The following MAN1A2 variants were observed in gnomAD, a reference collection of about 807,000 sequenced individuals.
MAN1A2 encodes the protein mannosyl-oligosaccharide 1,2-alpha-mannosidase IB.
MAN1A2 carries 26 observed loss-of-function variants against 75.7 expected under a neutral mutation model. The observed-to-expected ratio is 0.34, with a 90% confidence interval of 0.25 to 0.48. MAN1A2 has a LOEUF of 0.48. Ranked by LOEUF, MAN1A2 falls within the 20% of genes least tolerant of loss-of-function variation. MAN1A2 has a pLI of 0.99. For missense variants in MAN1A2, 562 were observed against 775.5 expected (o/e 0.72, Z 3.27); for synonymous variants, 247 against 264.6 (o/e 0.93, Z 0.65).
chr1:117,431,399 A>G (rs78876272), intron 5 of MAN1A2, among the ~76,000 whole-genome samples: 10,696 of 152,220 alleles, frequency 0.07, 546 homozygotes, highest in Non-Finnish European at 0.11. Context: ...TTAAAAAGGT[A>G]ATTCCACAAA....
rs538096637 is a variant in MAN1A2, at chr1:117,523,012, A to G, written c.*55A>G. 7 of 1,599,884 alleles carry G rather than the reference A, an allele frequency of 4.4e-6. No homozygotes were observed. In the South Asian group the frequency reaches 5.6e-5, roughly 13 times the overall value. On this transcript the variant is annotated 3_prime_UTR_variant, in exon 13 of 13. Coordinates refer to ENST00000356554, the MANE Select transcript of MAN1A2 (RefSeq NM_006699.5). Reference sequence around the variant, plus strand: ...GTGTTTTGTTTACATGGACCACTACAGAAATTAGTTTGAAGGGGCGGCTTT... The same window carrying G: ...GTGTTTTGTTTACATGGACCACTACGGAAATTAGTTTGAAGGGGCGGCTTT...
chr1:117,420,374 G>A (rs111799203), intron 4 of MAN1A2, among the ~76,000 whole-genome samples, 195 bp from the exon 5 acceptor site: 1 of 151,946 alleles, frequency 6.6e-6, no homozygotes, highest in Non-Finnish European at 1.5e-5. Context: ...AGGGAGCTGT[G>A]GTGACAGCAG....
At chr1:117,501,154 G>A (rs779466014) in intron 11 of MAN1A2, among the ~76,000 whole-genome samples, 10 of 151,640 alleles carry the variant, frequency 6.6e-5, no homozygotes, top group East Asian at 1.9e-4. Flanking sequence ...GGTGTGACAG[G>A]GTCAAACTTT....
chr1:117,420,544 A>G (rs1648152221), intron 4 of MAN1A2, 25 bp from the exon 5 acceptor site: 1 of 1,523,296 alleles, frequency 6.6e-7, no homozygotes, highest in Admixed American at 1.7e-5. Context: ...CGTATTTGTG[A>G]ATGTTTTCAA....
In MAN1A2 at chr1:117,484,480, C is replaced by T. The variant is rs1273100323; in HGVS notation, c.1169-8667C>T. Among the ~76,000 whole-genome samples, 3 of 151,968 alleles carry T rather than the reference C, an allele frequency of 2.0e-5. No homozygotes were observed. The East Asian group carries it at 5.8e-4, about 29-fold the overall frequency. ...ATGGTGTTTTTGAAGGTTTACACTA[C>T]TGTGCCAAACAATGAAAAATATGCA... On this transcript the variant is annotated intron_variant, in intron 8 of 12. Transcript: ENST00000356554.
chr1:117,414,409 G>A (rs1388062635), intron 3 of MAN1A2, among the ~76,000 whole-genome samples: 2 of 150,994 alleles, frequency 1.3e-5, no homozygotes, highest in Admixed American at 6.6e-5. Context: ...TTCTGACGAG[G>A]CAGAAAATTA....
intron 5 of MAN1A2, among the ~76,000 whole-genome samples, chr1:117,423,665 T>TA (rs914418690): frequency 1.1e-4 from 17 of 152,246 alleles, no homozygotes; most frequent in Admixed American, 7.2e-4. Context: ...ATTTGATTTT[T>TA]AAAAAACCTT....
chr1:117,422,364 A>G (rs949402638), intron 5 of MAN1A2, among the ~76,000 whole-genome samples: 2 of 152,072 alleles, frequency 1.3e-5, no homozygotes, highest in Non-Finnish European at 2.9e-5. Context: ...TGCATTTTAT[A>G]TATTTATCAG....
intron 1 of MAN1A2, among the ~76,000 whole-genome samples, chr1:117,380,813 A>ATTCTT (rs1407035005): frequency 1.3e-5 from 2 of 152,122 alleles, no homozygotes; most frequent in Non-Finnish European, 2.9e-5. Flanking sequence ...CAGGTTTGTT[A>ATTCTT]TTCTTTTTCA....
At chr1:117,458,523 A>ATATAT (rs1553236643) in intron 6 of MAN1A2, among the ~76,000 whole-genome samples, 1 of 105,608 alleles carries the variant, frequency 9.5e-6, no homozygotes, top group Non-Finnish European at 2.0e-5. Context: ...ATATATATAT[A>ATATAT]TTTTTTTTTT....
At chr1:117,383,912 A>C (rs1285349273) in intron 1 of MAN1A2, among the ~76,000 whole-genome samples, 1 of 152,090 alleles carries the variant, frequency 6.6e-6, no homozygotes, top group African/African-American at 2.4e-5. Flanking sequence ...CACACATCAA[A>C]CAAACCAGGC....
chr1:117,475,105 G>A (rs1296366352), intron 8 of MAN1A2, among the ~76,000 whole-genome samples: 3 of 151,566 alleles, frequency 2.0e-5, no homozygotes, highest in Non-Finnish European at 4.4e-5. Context: ...TTCTGGTTTG[G>A]GGCTATTACA....
At chr1:117,394,410 A>G (rs1001735102) in intron 1 of MAN1A2, among the ~76,000 whole-genome samples, 1 of 152,144 alleles carries the variant, frequency 6.6e-6, no homozygotes, top group African/African-American at 2.4e-5. Flanking sequence ...GTTGCTGGCT[A>G]GGACTTCTAG....
intron 5 of MAN1A2, among the ~76,000 whole-genome samples, chr1:117,431,037 G>A (rs1213370431): frequency 2.2e-5 from 3 of 133,436 alleles, no homozygotes; most frequent in East Asian, 2.4e-4. Flanking sequence ...GTGAAACCCC[G>A]TCTCCACCAA....
chr1:117,465,970 G>T (rs72691724), intron 7 of MAN1A2, among the ~76,000 whole-genome samples: 2 of 151,958 alleles, frequency 1.3e-5, no homozygotes, highest in Admixed American at 6.6e-5. Context: ...AGTTATTTCT[G>T]TTCTTATATT....
At chr1:117,406,901 A>G (rs945471864) in intron 3 of MAN1A2, among the ~76,000 whole-genome samples, 5 of 152,120 alleles carry the variant, frequency 3.3e-5, no homozygotes, top group African/African-American at 1.2e-4. Flanking sequence ...ATAAAAATGT[A>G]TTGAAAATAA....
intron 8 of MAN1A2, among the ~76,000 whole-genome samples, chr1:117,479,777 A>T (rs1650434999): frequency 1.3e-5 from 2 of 149,194 alleles, no homozygotes; most frequent in Non-Finnish European, 3.0e-5. Flanking sequence ...ATTGTGCATT[A>T]TTTTTTTTTG....
Position 117,430,103 on chromosome 1 carries a change from C to T in MAN1A2, c.855+9454C>T, listed in dbSNP as rs1418534695. Among the ~76,000 whole-genome samples the T allele has an allele frequency of 5.2e-4, 29 of 55,646 alleles. 1 individual carries two copies. The highest frequency in any genetic ancestry group is 7.0e-4 in the Non-Finnish European group (20 of 28,406). The allele number at this position is 55,646 out of a possible 152,430, so 36.5% of individuals were successfully genotyped here. A position where few individuals can be genotyped will look rare whatever the true frequency, so the allele number is the denominator to read the frequency against. ...GGTGCTGACCCCCCCATCTCCCTCC[C>T]GGACGGGGTAGCTGGCCGGGCTGAG... On this transcript the variant is annotated intron_variant, in intron 5 of 12. Coordinates refer to ENST00000356554, the MANE Select transcript of MAN1A2 (RefSeq NM_006699.5).
chr1:117,500,266 C>A (rs895434507), intron 11 of MAN1A2, among the ~76,000 whole-genome samples: 1 of 151,944 alleles, frequency 6.6e-6, no homozygotes, highest in Non-Finnish European at 1.5e-5. Flanking sequence ...CCGTAATACA[C>A]ACTCTCTTAG....
Sources: allele counts gnomAD v4.1 joint callset (sites outside exome capture counted in the v4.1 genomes callset), GRCh38; gene constraint gnomAD v4.1.1; transcripts MANE v1.5; gene names NCBI Gene and HGNC (gene_info 2026-07-23, HGNC 2026-07-21).